PPFIA4: variants seen among roughly 807,000 people sequenced by gnomAD.
PPFIA4 encodes the protein PPFI scaffold protein A4, also known as liprin-alpha-4.
In PPFIA4, 98 loss-of-function variants were observed where a neutral mutation model predicts 145.7. The observed-to-expected ratio is 0.67, with a 90% CI of 0.57 to 0.80. The LOEUF is 0.80. Among genes scored for constraint, PPFIA4 ranks in the 30% least tolerant of loss-of-function variants. The pLI is 0.00. For missense variants in PPFIA4, 1,457 were observed against 1,632.7 expected (o/e 0.89, Z 1.85); for synonymous variants, 628 against 649.6 (o/e 0.97, Z 0.51).
In PPFIA4 at chr1:203,059,105, T is replaced by C. The variant is rs1250289331; in HGVS notation, c.2408-73T>C. On this transcript the variant is annotated intron_variant, in intron 19 of 29. Coordinates refer to ENST00000295706, the MANE Select transcript of PPFIA4 (RefSeq NM_001304331.2). ...GCCAAGGAGCCTCCTGCTGCTTCTG[T>C]TCCCCACCCCTGATCCAGGCAAGGG... is the stretch of plus-strand genomic sequence containing the variant. 5.6e-6 allele frequency: 7 copies of C among 1,242,332 alleles called. No homozygotes were observed. In the Admixed American group the frequency reaches 1.4e-4, roughly 25 times the overall value. 77.0% of individuals were successfully genotyped at this position (1,242,332 alleles called of 1,614,324 possible).
At chr1:203,046,485 A>G (rs575721737) in intron 9 of PPFIA4, 103 bp downstream of exon 9, 6 of 1,392,160 alleles carry the variant, frequency 4.3e-6, no homozygotes, top group East Asian at 5.0e-5. Context: ...CTGGGCCAGG[A>G]GCCAGAAAAC....
intron 1 of PPFIA4, among the ~76,000 whole-genome samples, chr1:203,027,753 C>T (rs1301437171): frequency 2.0e-5 from 3 of 152,172 alleles, no homozygotes; most frequent in Non-Finnish European, 2.9e-5. Context: ...CAATTTACAG[C>T]CACGGAGTAG....
intron 25 of PPFIA4, 94 bp downstream of exon 25, chr1:203,064,097 T>G: frequency 2.2e-6 from 3 of 1,368,728 alleles, no homozygotes; most frequent in Middle Eastern, 2.6e-4. Flanking sequence ...CTCCATCTCT[T>G]TCCGTGGTCT....
chr1:203,060,531 C>T lies in PPFIA4; in HGVS notation c.2784+114C>T. Reference sequence around the variant, plus strand: ...GCATTGAGCCCTGCCCCTTCCTTCCCATCCTCACAAAGGGCTCTCCCTGGT... The same window carrying T: ...GCATTGAGCCCTGCCCCTTCCTTCCTATCCTCACAAAGGGCTCTCCCTGGT... On this transcript the variant is annotated intron_variant, in intron 22 of 29. Coordinates refer to ENST00000295706, the MANE Select transcript of PPFIA4 (RefSeq NM_001304331.2). The surrounding 1 kb of genome is among the most constrained non-coding windows in gnomAD (Gnocchi z 4.8). 9.1e-7 allele frequency: 1 copy of T among 1,097,824 alleles called. No homozygotes were observed. The highest frequency in any genetic ancestry group is 1.4e-5 in the South Asian group (1 of 70,892). 68.0% of individuals were successfully genotyped at this position (1,097,824 alleles called of 1,614,324 possible).
intron 23 of PPFIA4, 80 bp from the exon 24 acceptor site, chr1:203,061,572 C>G: frequency 7.1e-7 from 1 of 1,415,288 alleles, no homozygotes. Flanking sequence ...TTTTCCTCTC[C>G]TTGATGGGGC....
intron 2 of PPFIA4, among the ~76,000 whole-genome samples, chr1:203,040,251 A>G (rs368921614): frequency 1.1e-4 from 17 of 152,236 alleles, no homozygotes; most frequent in African/African-American, 3.4e-4. Context: ...CCCTCGTATG[A>G]GCAGAGAGAT....
chr1:203,051,400 C>G (rs1469469837), intron 13 of PPFIA4: 1 of 861,050 alleles, frequency 1.2e-6, no homozygotes, highest in African/African-American at 1.8e-5. Flanking sequence ...TGGAGCCCTC[C>G]TGCGCCACGT....
At chr1:203,073,949 G>T (rs1662344757) in intron 28 of PPFIA4, among the ~76,000 whole-genome samples, 1 of 152,168 alleles carries the variant, frequency 6.6e-6, no homozygotes, top group Admixed American at 6.5e-5. Context: ...TTCATTTAAT[G>T]AATATTTTTA....
At chr1:203,072,290 G>C (rs1662226588) in intron 28 of PPFIA4, among the ~76,000 whole-genome samples, 1 of 152,178 alleles carries the variant, frequency 6.6e-6, no homozygotes, top group African/African-American at 2.4e-5. Flanking sequence ...ACACGCTCGG[G>C]CTTTTACCAT....
chr1:203,043,158 A>T lies in PPFIA4; in HGVS notation c.235-239A>T, dbSNP rs1659820973. On this transcript the variant is annotated intron_variant, in intron 2 of 29. Transcript: ENST00000295706. The surrounding 1 kb of genome is among the most constrained non-coding windows in gnomAD (Gnocchi z 4.4). The stretch of plus-strand genomic sequence containing the variant: ...AGTGACTTTCTCACTCTTGTGTACA[A>T]CTCTGTTCCCTTGGATTCTAACACA... 6.6e-6 allele frequency among the ~76,000 whole-genome samples: 1 copy of T among 152,072 alleles called. No homozygotes were observed. The highest frequency in any genetic ancestry group is 1.5e-5 in the Non-Finnish European group (1 of 68,014).
At chr1:203,046,482 A>C (rs1660097693) in intron 9 of PPFIA4, 100 bp downstream of exon 9, 1 of 1,397,888 alleles carries the variant, frequency 7.2e-7, no homozygotes, top group South Asian at 1.5e-5. Flanking sequence ...GCACTGGGCC[A>C]GGAGCCAGAA....
intron 7 of PPFIA4, 88 bp downstream of exon 7, chr1:203,045,647 A>G: frequency 2.7e-6 from 4 of 1,461,384 alleles, no homozygotes; most frequent in Non-Finnish European, 9.1e-7. Flanking sequence ...GTGAGACTGA[A>G]CACCTGCCTC....
Position 203,056,885 on chromosome 1 carries a change from G to C in PPFIA4, c.2342G>C (p.Arg781Pro). 1 of 1,614,084 alleles carries C rather than the reference G, an allele frequency of 6.2e-7. No homozygotes were observed. Among genetic ancestry groups the C allele is most frequent in the South Asian group, 1.1e-5 (1 of 91,092 alleles). ...AAGGGCATCAAGTCGTCCATTGGCC[G>C]CCTGTTTGGGAAGAAGGAGAAGGGC... The part of the protein sequence containing the change: ...KRKGIKSSIG[R>P]LFGKKEKGRL... Residue 781 changes from arginine to proline, a missense_variant, in exon 19 of 30, where the codon CGC (arginine) becomes CCC (proline). Coordinates refer to ENST00000295706, the MANE Select transcript of PPFIA4 (RefSeq NM_001304331.2).
intron 1 of PPFIA4, among the ~76,000 whole-genome samples, chr1:203,036,927 G>A (rs987678230): frequency 6.6e-6 from 1 of 152,234 alleles, no homozygotes; most frequent in Non-Finnish European, 1.5e-5. Flanking sequence ...CTTGACCAGA[G>A]TTTGTGTCCA....
rs1410236976 is a variant in PPFIA4 at position 203,067,622 on chromosome 1, T to C, written c.3051-73T>C. 3.8e-6 allele frequency: 5 copies of C among 1,300,986 alleles called. No individual in the cohort carries two copies. The East Asian group carries it at 6.9e-5, about 18-fold the overall frequency. 80.6% of individuals were successfully genotyped at this position (1,300,986 alleles called of 1,614,324 possible). ...GTAGGTCTGGACATGCTGTGGCTGA[T>C]GCTGGATGTGAGACAGGTGGTGTGG... On this transcript the variant is annotated intron_variant, in intron 25 of 29. Transcript: ENST00000295706.
Position 203,052,050 on chromosome 1 carries a change from C to CCA in PPFIA4, c.1620+174_1620+175insAC, listed in dbSNP as rs200186992. Among the ~76,000 whole-genome samples, 536 of 138,602 alleles carry CCA rather than the reference C, an allele frequency of 3.9e-3. 33 individuals carry two copies. Among genetic ancestry groups the CCA allele is most frequent in the African/African-American group, 0.014 (517 of 36,718 alleles). 90.9% of individuals were successfully genotyped at this position (138,602 alleles called of 152,430 possible). A position where few individuals can be genotyped will look rare whatever the true frequency, so the allele number is the denominator to read the frequency against. ...TCGTCAGCTGCAACAGCTGTGCCCC[C>CCA]CCCCCCGCTTGCCTTGGCCTCCTGG... On this transcript the variant is annotated intron_variant, in intron 14 of 29. Transcript: ENST00000295706.
Position 203,068,660 on chromosome 1 carries a change from C to A in PPFIA4, c.3324+32C>A. Reference sequence around the variant, plus strand: ...AGCCTTTTAATCAGTCAACTTGAGTCTCTCCCTGTATCCCTCACTTGCTCT... The same window carrying A: ...AGCCTTTTAATCAGTCAACTTGAGTATCTCCCTGTATCCCTCACTTGCTCT... On this transcript the variant is annotated intron_variant, in intron 27 of 29. Transcript: ENST00000295706. This position sits in a 1 kb window ranked among gnomAD's most constrained non-coding sequence, Gnocchi z 4.7. 1.4e-6 allele frequency: 2 copies of A among 1,454,910 alleles called. No individual in the cohort carries two copies. Among genetic ancestry groups the A allele is most frequent in the South Asian group, 3.0e-5 (2 of 67,370 alleles). The allele number at this position is 1,454,910 out of a possible 1,614,324, so 90.1% of individuals were successfully genotyped here. A position where few individuals can be genotyped will look rare whatever the true frequency, so the allele number is the denominator to read the frequency against.
chr1:203,030,378 T>C (rs780457517), intron 1 of PPFIA4, among the ~76,000 whole-genome samples: 1 of 151,578 alleles, frequency 6.6e-6, no homozygotes, highest in Non-Finnish European at 1.5e-5. Flanking sequence ...GCCTGGGGAG[T>C]GGGGCCGGGC....
intron 2 of PPFIA4, among the ~76,000 whole-genome samples, chr1:203,041,706 T>C (rs998356721): frequency 6.6e-6 from 1 of 152,054 alleles, no homozygotes; most frequent in Non-Finnish European, 1.5e-5. Context: ...AGACAGCTGC[T>C]GAGCTTGAGG....
Sources: allele counts gnomAD v4.1 joint callset (sites outside exome capture counted in the v4.1 genomes callset), GRCh38; gene constraint gnomAD v4.1.1; non-coding constraint Gnocchi (gnomAD v3.1); transcripts MANE v1.5; gene names NCBI Gene and HGNC (gene_info 2026-07-23, HGNC 2026-07-21).